Variants in CENPE observed in about 807,000 individuals in gnomAD.
CENPE encodes the protein centromere-associated protein E.
CENPE carries 145 observed loss-of-function variants against 336.1 expected under a neutral mutation model. That is an observed-to-expected ratio of 0.43 (90% confidence interval 0.38 to 0.50). The LOEUF (loss-of-function observed/expected upper bound fraction) is 0.50, where lower values mean the gene tolerates loss of function less well. CENPE is among the 20% of genes least tolerant of loss of function. The pLI, the probability that CENPE is intolerant of heterozygous loss-of-function variation, is 0.00. For missense variants in CENPE, 2,719 were observed against 3,023.3 expected (o/e 0.90, Z 2.36); for synonymous variants, 1,013 against 984.8 (o/e 1.03, Z -0.54).
intron 13 of CENPE, 114 bp from the exon 14 acceptor site, chr4:103,177,160 C>A: frequency 1.2e-6 from 1 of 856,666 alleles, no homozygotes; most frequent in Admixed American, 3.2e-5. Flanking sequence ...TCTTATTAAG[C>A]CTAGTTTAAA....
chr4:103,136,737 TTA>T (rs1231302320), intron 39 of CENPE, among the ~76,000 whole-genome samples: 2 of 152,154 alleles, frequency 1.3e-5, no homozygotes, highest in Non-Finnish European at 2.9e-5. Flanking sequence ...GAGTGCTGGT[TTA>T]TGTTTATAGT....
At chr4:103,125,635 C>T (rs527560873) in intron 42 of CENPE, among the ~76,000 whole-genome samples, 3 of 152,038 alleles carry the variant, frequency 2.0e-5, no homozygotes, top group Non-Finnish European at 2.9e-5. Flanking sequence ...CAGTCCGAGG[C>T]GGGCAGATCA....
chr4:103,129,249 G>A (rs905965788), intron 42 of CENPE, among the ~76,000 whole-genome samples: 3 of 152,072 alleles, frequency 2.0e-5, no homozygotes, highest in Non-Finnish European at 4.4e-5. Flanking sequence ...AAAGCACCAG[G>A]TCCAGATGAG....
intron 34 of CENPE, 34 bp from the exon 35 acceptor site, chr4:103,141,942 A>T (rs778551396): frequency 7.9e-7 from 1 of 1,268,738 alleles, no homozygotes; most frequent in East Asian, 2.4e-5. Context: ...AAACAGTGAC[A>T]TATCTTAATA....
intron 46 of CENPE, among the ~76,000 whole-genome samples, chr4:103,111,381 G>A (rs987138838): frequency 1.3e-5 from 2 of 152,310 alleles, no homozygotes; most frequent in East Asian, 1.9e-4. Context: ...CGTGTGTGGC[G>A]GGGAGGTGAG....
chr4:103,162,847 T>C, intron 18 of CENPE, among the ~76,000 whole-genome samples: 1 of 152,146 alleles, frequency 6.6e-6, no homozygotes, highest in Non-Finnish European at 1.5e-5. Context: ...GATGAGCCAC[T>C]GTGCCCTGGC....
chr4:103,185,334 A>T (rs1207362392), intron 9 of CENPE, among the ~76,000 whole-genome samples: 1 of 150,176 alleles, frequency 6.7e-6, no homozygotes, highest in Non-Finnish European at 1.5e-5. Flanking sequence ...AGTTTTCTTT[A>T]TATCAGTCTT....
At chr4:103,119,773 T>C (rs1750444829) in intron 44 of CENPE, among the ~76,000 whole-genome samples, 1 of 152,020 alleles carries the variant, frequency 6.6e-6, no homozygotes, top group Non-Finnish European at 1.5e-5. Flanking sequence ...ATTCAGCCCA[T>C]GGGATATCAG....
intron 8 of CENPE, among the ~76,000 whole-genome samples, chr4:103,192,545 A>G (rs1757445968): frequency 6.6e-6 from 1 of 152,192 alleles, no homozygotes; most frequent in South Asian, 2.1e-4. Context: ...GAGAGATGAG[A>G]AAGTAAATGA....
At chr4:103,141,686 TC>T (rs1752574918) in intron 35 of CENPE, 63 bp downstream of exon 35, 3 of 1,186,428 alleles carry the variant, frequency 2.5e-6, no homozygotes, top group Non-Finnish European at 3.6e-6. Context: ...CCATTTTATA[TC>T]CCCAACAATT....
chr4:103,196,225 G>A lies in CENPE; in HGVS notation c.176C>T (p.Thr59Ile). The A allele has an allele frequency of 1.2e-6, 2 of 1,613,262 alleles. No individual in the cohort carries two copies. Among genetic ancestry groups the A allele is most frequent in the East Asian group, 4.5e-5 (2 of 44,862 alleles). Residue 59 changes from threonine to isoleucine, a missense_variant, in exon 3 of 49, where the codon ACC (threonine) becomes ATC (isoleucine). Physicochemically the swap from Thr to Ile is moderately conservative, Grantham distance 89. Transcript: ENST00000265148. ...TGCTATTTCTTCATACACATTTTTG[G>A]TAGTTTCATTACCATGAAAGACACG... is the stretch of plus-strand genomic sequence containing the variant. The part of the protein sequence containing the change: ...FDRVFHGNET[T>I]KNVYEEIAAP...
At chr4:103,152,571 G>A (rs771544169) in intron 25 of CENPE, among the ~76,000 whole-genome samples, 19 of 152,134 alleles carry the variant, frequency 1.2e-4, no homozygotes, top group Non-Finnish European at 2.6e-4. Context: ...GTACGAGAAT[G>A]TTTACAGCAG....
At chr4:103,149,517 A>C (rs1185070922) in intron 26 of CENPE, 109 bp from the exon 27 acceptor site, 1 of 943,696 alleles carries the variant, frequency 1.1e-6, no homozygotes, top group South Asian at 2.0e-5. Context: ...GGTAAGTAGC[A>C]TTAAAAGTAA....
chr4:103,151,531 AATAAT>A (rs1173819738), intron 25 of CENPE, among the ~76,000 whole-genome samples, 154 bp from the exon 26 acceptor site: 3 of 152,242 alleles, frequency 2.0e-5, no homozygotes, highest in Admixed American at 1.3e-4. Flanking sequence ...TCCTTATTTT[AATAAT>A]ATAAGATGCC....
At chr4:103,123,626 GT>G (rs1348614675) in intron 42 of CENPE, among the ~76,000 whole-genome samples, 1 of 152,184 alleles carries the variant, frequency 6.6e-6, no homozygotes, top group African/African-American at 2.4e-5. Context: ...AATTTGTGCT[GT>G]TTTTGCTGTA....
At chr4:103,131,068 T>C (rs1751548047) in intron 42 of CENPE, among the ~76,000 whole-genome samples, 1 of 152,148 alleles carries the variant, frequency 6.6e-6, no homozygotes, top group African/African-American at 2.4e-5. Context: ...AAAGGCATAA[T>C]CTATGAAAGA....
chr4:103,112,159 C>T (rs1749498414), intron 46 of CENPE, among the ~76,000 whole-genome samples: 1 of 150,144 alleles, frequency 6.7e-6, no homozygotes, highest in African/African-American at 2.4e-5. Context: ...TGTGCACATG[C>T]ATATATATGT....
intron 46 of CENPE, among the ~76,000 whole-genome samples, chr4:103,112,246 T>A (rs1196511218): frequency 6.8e-6 from 1 of 147,876 alleles, no homozygotes; most frequent in Non-Finnish European, 1.5e-5. Flanking sequence ...GTATTATATA[T>A]AATATATATT....
chr4:103,164,738 C>T (rs1754763722), intron 16 of CENPE, among the ~76,000 whole-genome samples: 1 of 152,026 alleles, frequency 6.6e-6, no homozygotes, highest in Non-Finnish European at 1.5e-5. Flanking sequence ...TCAATTCAGT[C>T]TGGTCCCATT....
Sources: allele counts gnomAD v4.1 joint callset (sites outside exome capture counted in the v4.1 genomes callset), GRCh38; gene constraint gnomAD v4.1.1; transcripts MANE v1.5; gene names NCBI Gene and HGNC (gene_info 2026-07-23, HGNC 2026-07-21).